The following TRIM44 variants were observed in gnomAD, a reference collection of about 807,000 sequenced individuals.
TRIM44 encodes the protein tripartite motif-containing protein 44.
Under a neutral mutation model 37.4 loss-of-function variants are expected in TRIM44, and 13 were observed. That is an observed-to-expected ratio of 0.35 (90% CI 0.23 to 0.55). The LOEUF (loss-of-function observed/expected upper bound fraction) is 0.55. Among genes scored for constraint, TRIM44 ranks in the 20% least tolerant of loss-of-function variants. TRIM44 has a pLI of 0.89. For synonymous variants in TRIM44, 175 were observed against 157.2 expected (o/e 1.11, Z -0.85); for missense variants, 426 against 437.2 (o/e 0.97, Z 0.23).
At chr11:35,805,991 TAC>T (rs1194508569) in intron 4 of TRIM44, among the ~76,000 whole-genome samples, 1 of 152,198 alleles carries the variant, frequency 6.6e-6, no homozygotes, top group Non-Finnish European at 1.5e-5. Flanking sequence ...GAGGAAATCA[TAC>T]ACCTGATTTT....
intron 4 of TRIM44, among the ~76,000 whole-genome samples, chr11:35,792,045 T>C (rs1334168980): frequency 2.8e-5 from 4 of 145,272 alleles, no homozygotes; most frequent in Non-Finnish European, 6.0e-5. Context: ...TAGATCTTAA[T>C]ACCATCCCTT....
intron 4 of TRIM44, among the ~76,000 whole-genome samples, chr11:35,791,386 C>A (rs926813926): frequency 6.6e-6 from 1 of 152,042 alleles, no homozygotes; most frequent in African/African-American, 2.4e-5. Context: ...TTAAGCATAG[C>A]CCTTGTTCAC....
chr11:35,699,127 CTGTTCCATTGG>C (rs1851745626), intron 2 of TRIM44, among the ~76,000 whole-genome samples: 1 of 147,582 alleles, frequency 6.8e-6, no homozygotes, highest in Non-Finnish European at 1.5e-5. Flanking sequence ...GGGTTCTGTT[CTGTTCCATTGG>C]TCTGTATATC....
At chr11:35,699,312 A>G (rs1001781582) in intron 2 of TRIM44, among the ~76,000 whole-genome samples, 3 of 152,204 alleles carry the variant, frequency 2.0e-5, no homozygotes, top group Non-Finnish European at 4.4e-5. Context: ...GCAAATCAAT[A>G]AACATAATCC....
At chr11:35,755,105 G>C (rs964012896) in intron 4 of TRIM44, among the ~76,000 whole-genome samples, 3 of 152,148 alleles carry the variant, frequency 2.0e-5, no homozygotes, top group African/African-American at 4.8e-5. Context: ...GGTTGGACTA[G>C]TTTACACTCC....
In TRIM44 at chr11:35,815,232, G is replaced by T. The variant is rs1346571896; in HGVS notation, c.*8847G>T. 1 of 152,156 alleles carries T rather than the reference G, an allele frequency of 6.6e-6. No homozygotes were observed. Among genetic ancestry groups the T allele is most frequent in the East Asian group, 1.9e-4 (1 of 5,192 alleles). The allele number at this position is 152,156 out of a possible 1,614,324, so 9.4% of individuals were successfully genotyped here. On this transcript the variant is annotated 3_prime_UTR_variant, in exon 5 of 5. Coordinates refer to ENST00000299413, the MANE Select transcript of TRIM44 (RefSeq NM_017583.6). Reference sequence around the variant, plus strand: ...GAGGGTGGCCATTTGTTGCCTCACTGTTTTTATTAGGACATCTGGAGATTA... The same window carrying T: ...GAGGGTGGCCATTTGTTGCCTCACTTTTTTTATTAGGACATCTGGAGATTA...
chr11:35,806,670 T>C lies in TRIM44; in HGVS notation c.*285T>C, dbSNP rs2133886461. The C allele has an allele frequency of 2.6e-6, 1 of 377,566 alleles. No individual in the cohort carries two copies. The highest frequency in any genetic ancestry group is 4.4e-5 in the East Asian group (1 of 22,732). The allele number at this position is 377,566 out of a possible 1,614,324, so 23.4% of individuals were successfully genotyped here. On this transcript the variant is annotated 3_prime_UTR_variant, in exon 5 of 5. Transcript: ENST00000299413. ...TCAGGTAATCCCTCAATGGCTGCTT[T>C]GAACTTACTCAGGAAAGCCAGCCCC...
intron 4 of TRIM44, among the ~76,000 whole-genome samples, chr11:35,781,567 A>T (rs1053955716): frequency 9.9e-5 from 15 of 152,236 alleles, no homozygotes; most frequent in African/African-American, 3.6e-4. Flanking sequence ...CTAGTCACAC[A>T]GATAGAACTT....
chr11:35,719,294 C>G (rs147809665), intron 2 of TRIM44, among the ~76,000 whole-genome samples: 3 of 152,246 alleles, frequency 2.0e-5, no homozygotes, highest in African/African-American at 7.2e-5. Context: ...TGTATGGAAT[C>G]TCACTGTTGT....
chr11:35,806,543 G>A lies in TRIM44; in HGVS notation c.*158G>A, dbSNP rs375916691. On this transcript the variant is annotated 3_prime_UTR_variant, in exon 5 of 5. Transcript: ENST00000299413. ...ACAGCAGGCACATATCTCTCCAAGG[G>A]ATGACCAGTTTTATGCTTACTGTGT... The A allele has an allele frequency of 4.6e-5, 35 of 765,760 alleles. No individual in the cohort carries two copies. Among genetic ancestry groups the A allele is most frequent in the South Asian group, 2.9e-4 (17 of 58,996 alleles). 47.4% of individuals were successfully genotyped at this position (765,760 alleles called of 1,614,324 possible).
intron 2 of TRIM44, among the ~76,000 whole-genome samples, chr11:35,692,636 A>T (rs1012370810): frequency 2.0e-5 from 3 of 151,836 alleles, no homozygotes; most frequent in African/African-American, 4.8e-5. Flanking sequence ...TAGAAGAAAA[A>T]CTTCAGGGCC....
At chr11:35,742,351 T>C (rs987978513) in intron 4 of TRIM44, among the ~76,000 whole-genome samples, 2 of 145,842 alleles carry the variant, frequency 1.4e-5, no homozygotes, top group Middle Eastern at 3.6e-3. Flanking sequence ...CATTTACATA[T>C]ATTATCTATA....
At chr11:35,694,361 A>G (rs1851671885) in intron 2 of TRIM44, among the ~76,000 whole-genome samples, 1 of 152,148 alleles carries the variant, frequency 6.6e-6, no homozygotes, top group African/African-American at 2.4e-5. Flanking sequence ...ATGTGAATTA[A>G]GAAGAGTGAA....
intron 2 of TRIM44, among the ~76,000 whole-genome samples, chr11:35,697,939 C>T (rs1851727436): frequency 6.6e-6 from 1 of 151,176 alleles, no homozygotes; most frequent in African/African-American, 2.4e-5. Context: ...TTTATAGCAG[C>T]ATGATTTATA....
At chr11:35,791,365 G>A (rs972513936) in intron 4 of TRIM44, among the ~76,000 whole-genome samples, 1 of 152,070 alleles carries the variant, frequency 6.6e-6, no homozygotes, top group African/African-American at 2.4e-5. Context: ...ACAGAACACA[G>A]CCTGTATATT....
intron 1 of TRIM44, among the ~76,000 whole-genome samples, chr11:35,682,587 C>G (rs911554853): frequency 6.6e-6 from 1 of 152,192 alleles, no homozygotes; most frequent in African/African-American, 2.4e-5. Context: ...GCAGGCTCAT[C>G]ATAGAGCCCA....
chr11:35,717,410 G>A (rs965195866), intron 2 of TRIM44, among the ~76,000 whole-genome samples: 1 of 152,068 alleles, frequency 6.6e-6, no homozygotes, highest in Non-Finnish European at 1.5e-5. Context: ...AAAGTCTGGT[G>A]TCAAAGGTAG....
chr11:35,719,135 T>C (rs965237605), intron 2 of TRIM44, among the ~76,000 whole-genome samples: 1 of 152,168 alleles, frequency 6.6e-6, no homozygotes, highest in African/African-American at 2.4e-5. Flanking sequence ...GGTAAGAGTA[T>C]ATTTAGTTTT....
chr11:35,810,128 T>C lies in TRIM44; in HGVS notation c.*3743T>C, dbSNP rs1384438948. 2 of 152,080 alleles carry C rather than the reference T, an allele frequency of 1.3e-5. No individual in the cohort carries two copies. The highest frequency in any genetic ancestry group is 3.9e-4 in the East Asian group (2 of 5,174). 9.4% of individuals were successfully genotyped at this position (152,080 alleles called of 1,614,324 possible). On this transcript the variant is annotated 3_prime_UTR_variant, in exon 5 of 5. Transcript: ENST00000299413. The stretch of plus-strand genomic sequence containing the variant: ...CCCTCCTCCAGGATGTCTAATAAGA[T>C]GGGAAACTTGGATGCCCAGCCATTT...
Sources: gnomAD v4.1 joint callset for allele counts (sites outside exome capture counted in the v4.1 genomes callset) on GRCh38, gnomAD v4.1.1 for gene constraint, MANE v1.5 for transcripts, NCBI Gene and HGNC (gene_info 2026-07-23, HGNC 2026-07-21) for gene names.